The following DMD variants were observed in gnomAD, a reference collection of about 807,000 sequenced individuals.
DMD encodes the protein mutant dystrophin.
In DMD, 63 loss-of-function variants were observed where a neutral mutation model predicts 330.1. The ratio of observed to expected loss-of-function variants is 0.19; its 90% CI spans 0.16 to 0.24. DMD has a LOEUF of 0.24. DMD is among the 10% of genes least tolerant of loss of function. The pLI is 1.00. For synonymous variants in DMD, 1,223 were observed against 959.8 expected, an observed-to-expected ratio of 1.27 and a Z score of -5.07; for missense variants, 3,344 against 2,684.1, an observed-to-expected ratio of 1.25 and a Z score of -5.43.
chrX:32,884,006 AGGTTTTCTGGTTTT>A (rs1456938655), intron 2 of DMD, among the ~76,000 whole-genome samples: 19 of 109,670 alleles, frequency 1.7e-4, no homozygotes, highest in South Asian at 1.2e-3. Flanking sequence ...GTAAGTACAT[AGGTTTTCTGGTTTT>A]GATGTACTCT....
At chrX:31,320,414 C>A (rs1314619715) in intron 62 of DMD, among the ~76,000 whole-genome samples, 1 of 112,075 alleles carries the variant, frequency 8.9e-6, no homozygotes, top group Non-Finnish European at 1.9e-5. Context: ...AAAAACATAG[C>A]CAGAGAAGAC....
intron 8 of DMD, among the ~76,000 whole-genome samples, 161 bp downstream of exon 8, chrX:32,698,951 A>G (rs998724874): frequency 1.7e-4 from 6 of 34,655 alleles, no homozygotes; most frequent in African/African-American, 6.8e-4. Context: ...GCAAAATTGA[A>G]AAGGTTTAGT....
At chrX:32,273,313 C>T (rs767439343) in intron 43 of DMD, among the ~76,000 whole-genome samples, 6 of 109,162 alleles carry the variant, frequency 5.5e-5, no homozygotes, top group African/African-American at 2.0e-4. Context: ...AAACAGGAGC[C>T]GGGTGCAGTG....
At chrX:32,618,624 A>T (rs911312610) in intron 11 of DMD, among the ~76,000 whole-genome samples, 2 of 111,348 alleles carry the variant, frequency 1.8e-5, no homozygotes, top group African/African-American at 6.5e-5. Flanking sequence ...AAGTTTACCC[A>T]TGTAACAAAA....
At chrX:33,094,814 A>AAAAAAAAAAG (rs2095134594) in intron 1 of DMD, among the ~76,000 whole-genome samples, 1 of 110,322 alleles carries the variant, frequency 9.1e-6, no homozygotes, top group Non-Finnish European at 1.9e-5. Context: ...TCTCAAAAAA[A>AAAAAAAAAAG]AAAAAAAAGA....
intron 47 of DMD, among the ~76,000 whole-genome samples, chrX:31,898,206 C>T (rs2149799165): frequency 9.1e-6 from 1 of 110,316 alleles, no homozygotes; most frequent in Non-Finnish European, 1.9e-5. Context: ...AGGTAATTTA[C>T]AGATTCAATG....
At chrX:32,554,977 GAGAGAGAA>G (rs1264703703) in intron 16 of DMD, among the ~76,000 whole-genome samples, 7 of 105,912 alleles carry the variant, frequency 6.6e-5, no homozygotes, top group Admixed American at 5.1e-4. Flanking sequence ...GAGAGAGAGA[GAGAGAGAA>G]AGAAAGAGAG....
chrX:31,394,594 G>A (rs1467519738), intron 60 of DMD, among the ~76,000 whole-genome samples: 1 of 110,837 alleles, frequency 9.0e-6, no homozygotes, highest in Non-Finnish European at 1.9e-5. Context: ...AGGAGTTTCG[G>A]AACAGCCTGG....
chrX:31,178,877 C>T (rs2040842877), intron 69 of DMD, 72 bp from the exon 70 acceptor site: 1 of 1,120,485 alleles, frequency 8.9e-7, no homozygotes, highest in African/African-American at 1.8e-5. Context: ...CTCCAGTCTT[C>T]TGCCCCATGA....
chrX:32,740,364 T>G (rs1009378003), intron 7 of DMD, among the ~76,000 whole-genome samples: 1 of 110,600 alleles, frequency 9.0e-6, no homozygotes, highest in Admixed American at 9.8e-5. Flanking sequence ...AGGGATCTAT[T>G]TCATGGTAAA....
chrX:32,771,419 C>G (rs758451048), intron 7 of DMD, among the ~76,000 whole-genome samples: 26 of 110,543 alleles, frequency 2.4e-4, no homozygotes, highest in African/African-American at 8.2e-4. Flanking sequence ...ACCTAGCAAA[C>G]TAAGTAGATT....
chrX:33,296,735 G>C (rs2053589826), intron 1 of DMD, among the ~76,000 whole-genome samples: 1 of 110,415 alleles, frequency 9.1e-6, no homozygotes, highest in Non-Finnish European at 1.9e-5. Flanking sequence ...CCCATTATTT[G>C]GTTTTATATA....
chrX:31,998,185 C>T (rs1265613714), intron 44 of DMD, among the ~76,000 whole-genome samples: 2 of 111,773 alleles, frequency 1.8e-5, no homozygotes, highest in Non-Finnish European at 3.8e-5. Flanking sequence ...TTTCTTTACC[C>T]TTTGGATTTC....
At chrX:32,922,043 T>C (rs1218325149) in intron 2 of DMD, among the ~76,000 whole-genome samples, 1 of 110,973 alleles carries the variant, frequency 9.0e-6, no homozygotes, top group Non-Finnish European at 1.9e-5. Flanking sequence ...ATTACAGATA[T>C]GAAGGGTTTG....
At chrX:32,514,020 T>C (rs941514316) in intron 18 of DMD, among the ~76,000 whole-genome samples, 3 of 111,435 alleles carry the variant, frequency 2.7e-5, no homozygotes, top group Non-Finnish European at 5.6e-5. Flanking sequence ...AGTATTCACA[T>C]GCATGTTTAT....
intron 7 of DMD, among the ~76,000 whole-genome samples, chrX:32,752,830 G>A (rs2071005144): frequency 9.1e-6 from 1 of 109,941 alleles, no homozygotes; most frequent in South Asian, 4.0e-4. Context: ...TGATGGCTTT[G>A]TAAGTGGAGT....
At chrX:32,222,479 A>G (rs1223007373) in intron 43 of DMD, among the ~76,000 whole-genome samples, 1 of 112,435 alleles carries the variant, frequency 8.9e-6, no homozygotes, top group Admixed American at 9.5e-5. Context: ...CAATGAAACA[A>G]AATGTTGATT....
intron 19 of DMD, among the ~76,000 whole-genome samples, chrX:32,496,950 TAC>T (rs1214797794): frequency 8.9e-6 from 1 of 112,225 alleles, no homozygotes; most frequent in African/African-American, 3.2e-5. Flanking sequence ...CTACAAGTGG[TAC>T]AGTCTCCATG....
Position 31,120,890 on chromosome X carries a change from A to G in DMD, c.*1029T>C, listed in dbSNP as rs1031347758. On this transcript the variant is annotated 3_prime_UTR_variant, in exon 79 of 79. Coordinates refer to ENST00000357033, the MANE Select transcript of DMD (RefSeq NM_004006.3). Reference sequence around the variant, plus strand: ...GTATCAATCAATCAATCAATCAACCAACCAACCGATTACTCACTCTGATAT... The same window carrying G: ...GTATCAATCAATCAATCAATCAACCGACCAACCGATTACTCACTCTGATAT... 1 of 111,456 alleles carries G rather than the reference A, an allele frequency of 9.0e-6. No homozygotes were observed. The highest frequency in any genetic ancestry group is 1.9e-5 in the Non-Finnish European group (1 of 53,069). 9.2% of individuals were successfully genotyped at this position (111,456 alleles called of 1,213,427 possible).
Sources: allele counts gnomAD v4.1 joint callset (sites outside exome capture counted in the v4.1 genomes callset), GRCh38; gene constraint gnomAD v4.1.1; transcripts MANE v1.5; gene names NCBI Gene and HGNC (gene_info 2026-07-23, HGNC 2026-07-21).